The following EVC variants were observed in gnomAD, a reference collection of about 807,000 sequenced individuals.
The protein encoded by EVC is EvC ciliary complex subunit 1.
A neutral mutation model predicts 118.9 loss-of-function variants in EVC; 116 were observed. The ratio of observed to expected loss-of-function variants is 0.98; its 90% CI spans 0.84 to 1.14. The LOEUF is 1.14. Among genes scored for constraint, EVC ranks in the 50% most tolerant of loss-of-function variants. The pLI is 0.00. For synonymous variants in EVC, 619 were observed against 534.7 expected (o/e 1.16, Z -2.18); for missense variants, 1,401 against 1,246.4 (o/e 1.12, Z -1.87).
intron 11 of EVC, among the ~76,000 whole-genome samples, chr4:5,768,855 C>CA (rs1399578046): frequency 8.7e-4 from 122 of 140,218 alleles, no homozygotes; most frequent in East Asian, 1.5e-3. Context: ...AACTCTGTCT[C>CA]AAAAAAAAAA....
At chr4:5,716,711 G>T (rs1448439208) in intron 1 of EVC, among the ~76,000 whole-genome samples, 1 of 152,162 alleles carries the variant, frequency 6.6e-6, no homozygotes, top group Non-Finnish European at 1.5e-5. Context: ...TTACCTTCTT[G>T]CTTATCAAGT....
intron 2 of EVC, among the ~76,000 whole-genome samples, chr4:5,723,436 G>C (rs1358617385): frequency 6.6e-6 from 1 of 152,026 alleles, no homozygotes; most frequent in African/African-American, 2.4e-5. Flanking sequence ...TGATCTGCCC[G>C]CCTTGGCCTC....
Position 5,711,548 on chromosome 4 carries a change from A to C in EVC, c.168A>C (p.Arg56=), listed in dbSNP as rs2151768651. The C allele has an allele frequency of 8.7e-6, 10 of 1,155,040 alleles. No individual in the cohort carries two copies. The highest frequency in any genetic ancestry group is 4.0e-5 in the East Asian group (1 of 25,254). The allele number at this position is 1,155,040 out of a possible 1,614,324, so 71.5% of individuals were successfully genotyped here. A position where few individuals can be genotyped will look rare whatever the true frequency, so the allele number is the denominator to read the frequency against. Residue 56 remains arginine, a synonymous_variant, in exon 1 of 21, where the codon CGA becomes CGC. Coordinates refer to ENST00000264956, the MANE Select transcript of EVC (RefSeq NM_153717.3). ...GCCGCGCGGGCCGCCAGCGCACGCG[A>C]CACCAGGTGGGTCGGCCGAGCAGAC... ...LGCRAGRQRT[R]HQKDDTQNLL...
At chr4:5,781,003 G>T (rs1735524552) in intron 11 of EVC, among the ~76,000 whole-genome samples, 1 of 152,196 alleles carries the variant, frequency 6.6e-6, no homozygotes, top group Non-Finnish European at 1.5e-5. Flanking sequence ...GCTATCTTGA[G>T]CTTAGAGTCC....
At position 5,742,974 on chromosome 4, in the gene EVC, A is replaced by G. The variant is rs1284191189; in HGVS notation, c.801+1160A>G. On this transcript the variant is annotated intron_variant, in intron 6 of 20. Transcript: ENST00000264956. This position sits in a 1 kb window ranked among gnomAD's most constrained non-coding sequence, Gnocchi z 5.2. ...ATATGGATGCTTGGCAACTGTATTT[A>G]TACTCATGTAAACCCACTTTCAATT... Among the ~76,000 whole-genome samples, 1 of 152,238 alleles carries G rather than the reference A, an allele frequency of 6.6e-6. No homozygotes were observed.
chr4:5,761,098 G>C (rs899664144), intron 11 of EVC, among the ~76,000 whole-genome samples: 1 of 152,144 alleles, frequency 6.6e-6, no homozygotes, highest in Admixed American at 6.5e-5. Context: ...GCGTCCTTGG[G>C]CCAGAGCCTG....
chr4:5,715,925 G>A (rs1723883724), intron 1 of EVC, among the ~76,000 whole-genome samples: 1 of 152,142 alleles, frequency 6.6e-6, no homozygotes. Context: ...TGTATTTTTA[G>A]TAGAGATGGG....
At chr4:5,792,876 T>A (rs892257588) in intron 12 of EVC, among the ~76,000 whole-genome samples, 1 of 152,128 alleles carries the variant, frequency 6.6e-6, no homozygotes, top group African/African-American at 2.4e-5. Flanking sequence ...AGGGAGACGT[T>A]TATAGAATGT....
chr4:5,741,519 G>A (rs1728569604), intron 5 of EVC, among the ~76,000 whole-genome samples, 197 bp from the exon 6 acceptor site: 1 of 152,160 alleles, frequency 6.6e-6, no homozygotes, highest in Non-Finnish European at 1.5e-5. Flanking sequence ...AAAATGTAAT[G>A]CATTATGGGC....
At chr4:5,803,881 C>T (rs1407579106) in intron 16 of EVC, among the ~76,000 whole-genome samples, 1 of 151,448 alleles carries the variant, frequency 6.6e-6, no homozygotes, top group Non-Finnish European at 1.5e-5. Flanking sequence ...ACCAGGGGCA[C>T]TATTAATAAT....
chr4:5,711,991 GC>G (rs1723113433), intron 1 of EVC, among the ~76,000 whole-genome samples: 1 of 152,140 alleles, frequency 6.6e-6, no homozygotes, highest in Non-Finnish European at 1.5e-5. Flanking sequence ...TGCCACATTG[GC>G]ATTCATTTTT....
intron 1 of EVC, among the ~76,000 whole-genome samples, chr4:5,716,191 C>T (rs1314361921): frequency 6.6e-6 from 1 of 152,208 alleles, no homozygotes; most frequent in East Asian, 1.9e-4. Context: ...AGCTCATGCT[C>T]AAATCCTGAC....
At chr4:5,741,391 T>G (rs1173545392) in intron 5 of EVC, among the ~76,000 whole-genome samples, 1 of 152,232 alleles carries the variant, frequency 6.6e-6, no homozygotes, top group Non-Finnish European at 1.5e-5. Flanking sequence ...CCTTTGCTTT[T>G]TATATTTTCT....
At chr4:5,723,866 C>G (rs973821926) in intron 2 of EVC, among the ~76,000 whole-genome samples, 2 of 152,088 alleles carry the variant, frequency 1.3e-5, no homozygotes, top group African/African-American at 4.8e-5. Context: ...TGAGTTCAGC[C>G]TTTTCCATCT....
At chr4:5,721,121 CCTCT>C (rs1425206938) in intron 2 of EVC, among the ~76,000 whole-genome samples, 1 of 152,100 alleles carries the variant, frequency 6.6e-6, no homozygotes, top group Non-Finnish European at 1.5e-5. Context: ...CTCTTCCCCT[CCTCT>C]CTCTCTACTG....
At chr4:5,770,840 C>T (rs930176782) in intron 11 of EVC, among the ~76,000 whole-genome samples, 5 of 151,980 alleles carry the variant, frequency 3.3e-5, no homozygotes, top group Admixed American at 6.5e-5. Context: ...GGCAAAACCC[C>T]ATCTCTACTA....
At position 5,729,186 on chromosome 4, in the gene EVC, C is replaced by A. The variant is rs527246184; in HGVS notation, c.301-121C>A. On this transcript the variant is annotated intron_variant, in intron 2 of 20. Transcript: ENST00000264956. Reference sequence around the variant, plus strand: ...AGAGCTAATATGAATCTAAATGTGCCTATCATGGTCCCTTTCTGAGGCTGC... The same window carrying A: ...AGAGCTAATATGAATCTAAATGTGCATATCATGGTCCCTTTCTGAGGCTGC... The A allele has an allele frequency of 2.2e-4, 190 of 863,256 alleles. 1 individual carries two copies. In the African/African-American group the frequency reaches 2.5e-3, roughly 11 times the overall value. The allele number at this position is 863,256 out of a possible 1,614,324, so 53.5% of individuals were successfully genotyped here.
At chr4:5,720,255 C>A (rs1281606141) in intron 2 of EVC, among the ~76,000 whole-genome samples, 1 of 152,178 alleles carries the variant, frequency 6.6e-6, no homozygotes, top group Non-Finnish European at 1.5e-5. Flanking sequence ...CACCTCTCAC[C>A]TGTGAGTGAT....
chr4:5,723,809 A>G (rs556958822), intron 2 of EVC, among the ~76,000 whole-genome samples: 1 of 152,272 alleles, frequency 6.6e-6, no homozygotes, highest in African/African-American at 2.4e-5. Flanking sequence ...TCATTATTAA[A>G]TAAGAATCCC....
Sources: gnomAD v4.1 joint callset for allele counts (sites outside exome capture counted in the v4.1 genomes callset) on GRCh38, gnomAD v4.1.1 for gene constraint, Gnocchi (gnomAD v3.1) non-coding constraint, MANE v1.5 for transcripts, NCBI Gene and HGNC (gene_info 2026-07-23, HGNC 2026-07-21) for gene names.